The following PROX1 variants were observed in gnomAD, a reference collection of about 807,000 sequenced individuals.
PROX1 encodes the protein prospero homeobox protein 1.
In PROX1, 7 loss-of-function variants were observed where a neutral mutation model predicts 58.8. That is an observed-to-expected ratio of 0.12 (90% CI 0.07 to 0.22). The LOEUF is 0.22. PROX1 is among the 10% of genes least tolerant of loss of function. PROX1 has a pLI of 1.00. For missense variants in PROX1, 675 were observed against 927.8 expected (o/e 0.73, Z 3.54); for synonymous variants, 350 against 358.3 (o/e 0.98, Z 0.26).
chr1:214,000,793 T>C (rs1663480076), intron 2 of PROX1, among the ~76,000 whole-genome samples: 1 of 152,190 alleles, frequency 6.6e-6, no homozygotes, highest in Admixed American at 6.5e-5. Context: ...TTCTCCTGTC[T>C]CTACCTCTGT....
intron 4 of PROX1, among the ~76,000 whole-genome samples, chr1:214,033,586 AAACTCC>A (rs757092614): frequency 2.0e-5 from 3 of 152,288 alleles, no homozygotes; most frequent in Non-Finnish European, 4.4e-5. Context: ...TGACAGAGCA[AAACTCC>A]ATCTCAAATA....
chr1:213,991,309 G>A (rs889300012), intron 1 of PROX1, among the ~76,000 whole-genome samples: 1 of 152,142 alleles, frequency 6.6e-6, no homozygotes, highest in Non-Finnish European at 1.5e-5. Flanking sequence ...TAGGTTGGTT[G>A]GCAAATGGTT....
At chr1:213,993,740 T>A (rs1663121051) in intron 1 of PROX1, among the ~76,000 whole-genome samples, 1 of 152,226 alleles carries the variant, frequency 6.6e-6, no homozygotes, top group South Asian at 2.1e-4. Context: ...TATTTGTGCC[T>A]ATTAATATAA....
At chr1:214,014,436 C>T (rs559406027) in intron 4 of PROX1, among the ~76,000 whole-genome samples, 1 of 152,324 alleles carries the variant, frequency 6.6e-6, no homozygotes, top group South Asian at 2.1e-4. Flanking sequence ...TCCAAGGAAT[C>T]GTGTCACCCA....
chr1:214,014,369 AC>A (rs1664022046), intron 4 of PROX1, among the ~76,000 whole-genome samples: 1 of 152,224 alleles, frequency 6.6e-6, no homozygotes, highest in Non-Finnish European at 1.5e-5. Context: ...ACAGAGCTAA[AC>A]CATGGTAGAG....
chr1:213,991,067 T>A (rs550173422), intron 1 of PROX1, among the ~76,000 whole-genome samples: 90 of 152,224 alleles, frequency 5.9e-4, no homozygotes, highest in African/African-American at 2.1e-3. Flanking sequence ...CAAAATGAAA[T>A]TTTTTGTGTG....
intron 2 of PROX1, among the ~76,000 whole-genome samples, chr1:214,002,412 C>CTTTTTTTTTTTT (rs774337530): frequency 3.4e-5 from 4 of 116,376 alleles, no homozygotes; most frequent in African/African-American, 1.0e-4. Flanking sequence ...TTTCTTTTTT[C>CTTTTTTTTTTTT]TTTTTTTTTT....
At chr1:214,000,689 G>A (rs1663475062) in intron 2 of PROX1, among the ~76,000 whole-genome samples, 1 of 152,132 alleles carries the variant, frequency 6.6e-6, no homozygotes, top group African/African-American at 2.4e-5. Flanking sequence ...TTATTTCTCA[G>A]GAAGAGTAAG....
At chr1:214,032,871 G>C (rs111278696) in intron 4 of PROX1, among the ~76,000 whole-genome samples, 110 of 152,222 alleles carry the variant, frequency 7.2e-4, no homozygotes, top group African/African-American at 2.5e-3. Flanking sequence ...CCACAAGAAA[G>C]GAATATTTAA....
In PROX1 at chr1:214,039,449, A is replaced by T. The variant is rs1241786406; in HGVS notation, c.*3615A>T. 6.6e-6 allele frequency: 1 copy of T among 152,080 alleles called. No individual in the cohort carries two copies. The highest frequency in any genetic ancestry group is 2.4e-5 in the African/African-American group (1 of 41,350). 9.4% of individuals were successfully genotyped at this position (152,080 alleles called of 1,614,324 possible). The stretch of plus-strand genomic sequence containing the variant: ...GGGTGAATATCATTTAAAAAAATTT[A>T]AAACAACAAAAAAAAAGCAAAACAG... On this transcript the variant is annotated 3_prime_UTR_variant, in exon 5 of 5. Transcript: ENST00000366958.
chr1:214,019,913 C>T (rs111649176), intron 4 of PROX1, among the ~76,000 whole-genome samples: 95 of 152,268 alleles, frequency 6.2e-4, no homozygotes, highest in African/African-American at 2.2e-3. Flanking sequence ...CCATTTTCCT[C>T]GACTTCTGAA....
chr1:214,022,955 A>G (rs1664332997), intron 4 of PROX1, among the ~76,000 whole-genome samples: 1 of 151,876 alleles, frequency 6.6e-6, no homozygotes, highest in Non-Finnish European at 1.5e-5. Context: ...TACCCTGGTG[A>G]CTCTGCTGCA....
At chr1:214,032,381 A>G (rs1384568113) in intron 4 of PROX1, among the ~76,000 whole-genome samples, 1 of 151,102 alleles carries the variant, frequency 6.6e-6, no homozygotes, top group African/African-American at 2.4e-5. Flanking sequence ...TTACTTTACC[A>G]TTATTTTAAA....
chr1:213,997,808 G>A lies in PROX1; in HGVS notation c.1273G>A (p.Gly425Ser). The change falls in exon 2 of 5, where the codon GGC becomes AGC. Residue 425 changes from glycine (G) to serine (S), a missense_variant. Physicochemically the swap from Gly to Ser is moderately conservative, Grantham distance 56. Around this residue, in one of 8 missense-constraint regions of PROX1, gnomAD observed 403 missense variants for 477.4 expected, o/e 0.84. Transcript: ENST00000366958. The surrounding 1 kb of genome is among the most constrained non-coding windows in gnomAD (Gnocchi z 7.1). ...VIIPNPLDTFGNVQMASSTDQ... is the reference protein window; with the variant it reads ...VIIPNPLDTFSNVQMASSTDQ... ...CATTCCGAACCCCCTGGACACCTTT[G>A]GCAATGTGCAGATGGCCAGTTCCAC... 2 of 1,614,206 alleles carry A rather than the reference G, an allele frequency of 1.2e-6. No individual in the cohort carries two copies.
chr1:213,998,953 C>A (rs1343161106), intron 2 of PROX1, among the ~76,000 whole-genome samples: 1 of 152,110 alleles, frequency 6.6e-6, no homozygotes, highest in African/African-American at 2.4e-5. Context: ...AAGGTCTGTT[C>A]TTTGGGTCTG....
intron 3 of PROX1, among the ~76,000 whole-genome samples, chr1:214,009,714 A>G (rs1420586002): frequency 6.6e-6 from 1 of 152,102 alleles, no homozygotes; most frequent in Non-Finnish European, 1.5e-5. Flanking sequence ...CCATTAGGTC[A>G]TTCGTGACCA....
chr1:214,033,963 C>T (rs971311460), intron 4 of PROX1, among the ~76,000 whole-genome samples: 1 of 152,126 alleles, frequency 6.6e-6, no homozygotes, highest in Non-Finnish European at 1.5e-5. Flanking sequence ...ACATTCATGG[C>T]GGACAAGGCG....
intron 4 of PROX1, among the ~76,000 whole-genome samples, chr1:214,024,363 T>A (rs1664382491): frequency 6.6e-6 from 1 of 152,182 alleles, no homozygotes; most frequent in South Asian, 2.1e-4. Flanking sequence ...AACAAAGATC[T>A]TGCAGTCAAA....
At chr1:214,021,491 A>G (rs1664278416) in intron 4 of PROX1, among the ~76,000 whole-genome samples, 1 of 152,198 alleles carries the variant, frequency 6.6e-6, no homozygotes, top group African/African-American at 2.4e-5. Context: ...AATCCTTTTT[A>G]AAAGCCTAAT....
Sources: allele counts gnomAD v4.1 joint callset (sites outside exome capture counted in the v4.1 genomes callset), GRCh38; gene constraint gnomAD v4.1.1; regional missense constraint gnomAD v4.1.1; non-coding constraint Gnocchi (gnomAD v3.1); transcripts MANE v1.5; gene names NCBI Gene and HGNC (gene_info 2026-07-23, HGNC 2026-07-21).